ALK: variants seen among roughly 807,000 people sequenced by gnomAD.
The protein encoded by ALK is ALK receptor tyrosine kinase, also known as ALK tyrosine kinase receptor.
ALK carries 74 observed loss-of-function variants against 163.1 expected under a neutral mutation model. That is an observed-to-expected ratio of 0.45 (90% CI 0.38 to 0.55). ALK has a LOEUF of 0.55. Among genes scored for constraint, ALK ranks in the 20% least tolerant of loss-of-function variants. The pLI, the probability that ALK is intolerant of heterozygous loss-of-function variation, is 0.00. For missense variants in ALK, 2,063 were observed against 2,105.3 expected, an observed-to-expected ratio of 0.98 and a Z score of 0.39; for synonymous variants, 960 against 843.2, an observed-to-expected ratio of 1.14 and a Z score of -2.40.
At chr2:29,392,104 G>T (rs1343539021) in intron 4 of ALK, among the ~76,000 whole-genome samples, 1 of 152,232 alleles carries the variant, frequency 6.6e-6, no homozygotes, top group African/African-American at 2.4e-5. Flanking sequence ...TGAAATAAGA[G>T]ATTGACTGTG....
At chr2:29,479,069 G>C (rs184978999) in intron 4 of ALK, among the ~76,000 whole-genome samples, 275 of 152,298 alleles carry the variant, frequency 1.8e-3, no homozygotes, top group African/African-American at 6.3e-3. Flanking sequence ...GGATGTCTTC[G>C]CTATTGTGAG....
At chr2:29,422,022 C>T (rs977711888) in intron 4 of ALK, among the ~76,000 whole-genome samples, 2 of 151,588 alleles carry the variant, frequency 1.3e-5, no homozygotes, top group Middle Eastern at 3.4e-3. Context: ...CTGGAATTCA[C>T]CCAGACAACT....
At position 29,580,268 on chromosome 2, in the gene ALK, T is replaced by C. The variant is rs527962286; in HGVS notation, c.953-48152A>G. ...TGCTCATGTCAACCCGTGATTACCG[T>C]GCACTACCTTGATAACAGCCTGCTA... On this transcript the variant is annotated intron_variant, in intron 3 of 28. Coordinates refer to ENST00000389048, the MANE Select transcript of ALK (RefSeq NM_004304.5). Among the ~76,000 whole-genome samples the C allele has an allele frequency of 4.6e-5, 7 of 152,342 alleles. No individual in the cohort carries two copies. The South Asian group carries it at 1.5e-3, about 32-fold the overall frequency.
chr2:29,269,181 G>A (rs1397291960), intron 11 of ALK, among the ~76,000 whole-genome samples: 1 of 152,230 alleles, frequency 6.6e-6, no homozygotes, highest in East Asian at 1.9e-4. Flanking sequence ...AATGAGCTTA[G>A]TGACTGTCAC....
chr2:29,506,881 T>C (rs990431323), intron 4 of ALK, among the ~76,000 whole-genome samples: 1 of 152,036 alleles, frequency 6.6e-6, no homozygotes, highest in African/African-American at 2.4e-5. Flanking sequence ...GGTGAAAATA[T>C]CAGTGAGGAT....
In ALK at chr2:29,296,722, A is replaced by AGTGTGT. The variant is rs3054024; in HGVS notation, c.1817+160_1817+165dup. 0.052 allele frequency among the ~76,000 whole-genome samples: 7,890 copies of AGTGTGT among 150,474 alleles called. 417 individuals carry two copies. Among genetic ancestry groups the AGTGTGT allele is most frequent in the African/African-American group, 0.14 (5,690 of 41,150 alleles). ...ACTGCAGAAAGTGTGTAACCTGCAGAGTGTGTGTGTGTGTGTGTGCACGTG... is the reference window on the plus strand; with the variant it reads ...ACTGCAGAAAGTGTGTAACCTGCAGAGTGTGTGTGTGTGTGTGTGTGTGTGCACGTG... On this transcript the variant is annotated intron_variant, in intron 9 of 28. Transcript: ENST00000389048.
At chr2:29,626,126 C>T (rs1676187799) in intron 3 of ALK, among the ~76,000 whole-genome samples, 1 of 152,182 alleles carries the variant, frequency 6.6e-6, no homozygotes, top group Non-Finnish European at 1.5e-5. Context: ...CCCTCAAATT[C>T]AAAGACTGAA....
chr2:29,794,751 G>A (rs1055725645), intron 1 of ALK, among the ~76,000 whole-genome samples: 2 of 152,006 alleles, frequency 1.3e-5, no homozygotes, highest in Non-Finnish European at 1.5e-5. Flanking sequence ...ACCTTATAGG[G>A]GCATGGTTTG....
chr2:29,617,652 C>A (rs1324085923), intron 3 of ALK, among the ~76,000 whole-genome samples: 2 of 152,194 alleles, frequency 1.3e-5, no homozygotes, highest in Non-Finnish European at 2.9e-5. Context: ...CAAGAAACCC[C>A]CCTTCCCTTG....
At chr2:29,508,299 T>C (rs4438441) in intron 4 of ALK, among the ~76,000 whole-genome samples, 103,224 of 152,020 alleles carry the variant, frequency 0.68, 36,374 homozygotes, top group South Asian at 0.79. Flanking sequence ...TTCAGAGCAG[T>C]ATAGGCGTCA....
At chr2:29,224,029 G>A (rs1212134147) in intron 19 of ALK, 1 of 257,786 alleles carries the variant, frequency 3.9e-6, no homozygotes, top group African/African-American at 2.2e-5. Context: ...GGGTTCTGGA[G>A]CCAAAGTCAG....
chr2:29,634,605 A>G (rs1223115817), intron 3 of ALK, among the ~76,000 whole-genome samples: 1 of 152,194 alleles, frequency 6.6e-6, no homozygotes, highest in Non-Finnish European at 1.5e-5. Context: ...AGAAAAGTAG[A>G]TAGGGAGAGA....
intron 4 of ALK, among the ~76,000 whole-genome samples, chr2:29,498,236 AG>A (rs1672081304): frequency 6.6e-6 from 1 of 151,928 alleles, no homozygotes. Context: ...AAAAATTGAA[AG>A]GGAGGCACAG....
chr2:29,872,046 T>A (rs1030637688), intron 1 of ALK, among the ~76,000 whole-genome samples: 2 of 152,192 alleles, frequency 1.3e-5, no homozygotes, highest in Admixed American at 6.5e-5. Flanking sequence ...CATGGCATGC[T>A]GGACACACTG....
At chr2:29,399,678 G>T (rs1291434697) in intron 4 of ALK, among the ~76,000 whole-genome samples, 3 of 152,184 alleles carry the variant, frequency 2.0e-5, no homozygotes, top group Non-Finnish European at 4.4e-5. Flanking sequence ...TGCTGTGTGT[G>T]CCTGTGGAGC....
chr2:29,799,950 C>G (rs995290923), intron 1 of ALK, among the ~76,000 whole-genome samples: 2 of 152,262 alleles, frequency 1.3e-5, no homozygotes, highest in African/African-American at 2.4e-5. Context: ...GTGTTCAGAA[C>G]TTTCTCTGTA....
At chr2:29,481,590 C>CT (rs1411288631) in intron 4 of ALK, among the ~76,000 whole-genome samples, 2 of 152,332 alleles carry the variant, frequency 1.3e-5, no homozygotes, top group East Asian at 3.9e-4. Flanking sequence ...TTTGGCAAAG[C>CT]TTCTTCCCTA....
chr2:29,854,073 C>T (rs1666077890), intron 1 of ALK, among the ~76,000 whole-genome samples: 1 of 151,978 alleles, frequency 6.6e-6, no homozygotes, highest in African/African-American at 2.4e-5. Flanking sequence ...CCGCACCCGG[C>T]CGGAATGTTC....
intron 4 of ALK, among the ~76,000 whole-genome samples, chr2:29,397,043 G>T (rs147526702): frequency 2.0e-5 from 3 of 151,836 alleles, no homozygotes; most frequent in African/African-American, 7.3e-5. Context: ...GGCTTCCTTC[G>T]GTCCTAGTAG....
Sources: allele counts gnomAD v4.1 joint callset (sites outside exome capture counted in the v4.1 genomes callset), GRCh38; gene constraint gnomAD v4.1.1; transcripts MANE v1.5; gene names NCBI Gene and HGNC (gene_info 2026-07-23, HGNC 2026-07-21).